NF1: variants seen among roughly 807,000 people sequenced by gnomAD.
NF1 encodes neurofibromin 1.
NF1 carries 122 observed loss-of-function variants against 325.7 expected under a neutral mutation model. That is an observed-to-expected ratio of 0.37 (90% CI 0.32 to 0.44). NF1 has a LOEUF of 0.44. NF1 is among the 20% of genes least tolerant of loss of function. The pLI is 1.00. For missense variants in NF1, 2,140 were observed against 3,415.4 expected (o/e 0.63, Z 9.31); for synonymous variants, 1,091 against 1,186.0 (o/e 0.92, Z 1.65).
In NF1 at chr17:31,229,587, G is replaced by T. The variant is rs1232672298; in HGVS notation, c.2850+122G>T. 3.2e-6 allele frequency: 4 copies of T among 1,236,584 alleles called. No individual in the cohort carries two copies. The African/African-American group carries it at 4.5e-5, about 14-fold the overall frequency. The allele number at this position is 1,236,584 out of a possible 1,614,324, so 76.6% of individuals were successfully genotyped here. A position where few individuals can be genotyped will look rare whatever the true frequency, so the allele number is the denominator to read the frequency against. ...AGTTTTTAAAAATTTCCAAAAAATT[G>T]CAGAAAGAAGAGTCATCTCAATGTA... On this transcript the variant is annotated intron_variant, in intron 21 of 57. Coordinates refer to ENST00000358273, the MANE Select transcript of NF1 (RefSeq NM_001042492.3).
chr17:31,347,364 TTTATGA>T (rs1330357372), intron 48 of NF1, among the ~76,000 whole-genome samples: 8 of 152,090 alleles, frequency 5.3e-5, no homozygotes, highest in African/African-American at 1.7e-4. Context: ...GTATAACAGC[TTTATGA>T]TTATGAGAAA....
chr17:31,150,326 A>G (rs1916844433), intron 1 of NF1, among the ~76,000 whole-genome samples: 1 of 152,170 alleles, frequency 6.6e-6, no homozygotes, highest in Admixed American at 6.5e-5. Flanking sequence ...AACCAGAACC[A>G]TATAGTGAGT....
At chr17:31,350,435 C>T (rs1597859988) in intron 50 of NF1, 117 bp downstream of exon 50, 1 of 844,508 alleles carries the variant, frequency 1.2e-6, no homozygotes, top group East Asian at 2.5e-5. Context: ...CTAGAGATGG[C>T]CTAGGAAGAG....
At chr17:31,180,330 T>A (rs1044304053) in intron 5 of NF1, among the ~76,000 whole-genome samples, 2 of 152,238 alleles carry the variant, frequency 1.3e-5, no homozygotes, top group African/African-American at 2.4e-5. Context: ...TGAACATCGA[T>A]GCAAAAATCC....
chr17:31,246,245 C>T (rs17879215), intron 29 of NF1, among the ~76,000 whole-genome samples: 2 of 152,164 alleles, frequency 1.3e-5, no homozygotes, highest in African/African-American at 2.4e-5. Flanking sequence ...ACCTGCCGCA[C>T]CTACTTTCTC....
rs1176698328 is a variant in NF1 at position 31,105,686 on chromosome 17, G to T, written c.60+10317G>T. 2.0e-5 allele frequency among the ~76,000 whole-genome samples: 3 copies of T among 152,088 alleles called. No individual in the cohort carries two copies. In the East Asian group the frequency reaches 5.8e-4, roughly 29 times the overall value. On this transcript the variant is annotated intron_variant, in intron 1 of 57. Coordinates refer to ENST00000358273, the MANE Select transcript of NF1 (RefSeq NM_001042492.3). ...TGCGCCACCATGCCCAGCTGATTTT[G>T]TTTTTTTAGTAGAGACAGGGTTTCA...
At chr17:31,286,252 AC>A (rs1332784627) in intron 36 of NF1, among the ~76,000 whole-genome samples, 1 of 151,904 alleles carries the variant, frequency 6.6e-6, no homozygotes, top group Admixed American at 6.6e-5. Context: ...GCACCAACAC[AC>A]CCGGCTAATT....
At chr17:31,292,807 T>C (rs1178385458) in intron 36 of NF1, among the ~76,000 whole-genome samples, 3 of 152,168 alleles carry the variant, frequency 2.0e-5, no homozygotes, top group Non-Finnish European at 4.4e-5. Flanking sequence ...GACTTTCTTA[T>C]TACTTTTCCC....
intron 2 of NF1, among the ~76,000 whole-genome samples, chr17:31,157,189 A>G (rs942978480): frequency 2.6e-5 from 4 of 151,900 alleles, no homozygotes; most frequent in Non-Finnish European, 4.4e-5. Flanking sequence ...AGGTTTCACT[A>G]TTTTGGCCAG....
intron 36 of NF1, among the ~76,000 whole-genome samples, chr17:31,280,884 G>A (rs1003374121): frequency 2.7e-5 from 4 of 148,324 alleles, no homozygotes; most frequent in African/African-American, 5.0e-5. Context: ...TATTTATTCA[G>A]TATTTTTATA....
intron 8 of NF1, among the ~76,000 whole-genome samples, chr17:31,197,009 C>T (rs2066444565): frequency 6.6e-6 from 1 of 151,244 alleles, no homozygotes; most frequent in African/African-American, 2.4e-5. Context: ...GACTATTATG[C>T]GGCTCTTTGA....
At chr17:31,109,507 T>C (rs1246473440) in intron 1 of NF1, among the ~76,000 whole-genome samples, 1 of 151,940 alleles carries the variant, frequency 6.6e-6, no homozygotes, top group African/African-American at 2.4e-5. Context: ...TCTCAGTCTT[T>C]CGAGTAGCTG....
At chr17:31,330,154 C>A in intron 38 of NF1, 142 bp from the exon 39 acceptor site, 2 of 740,304 alleles carry the variant, frequency 2.7e-6, no homozygotes, top group Middle Eastern at 3.0e-4. Flanking sequence ...AGAATTATAA[C>A]ATCTTATTTC....
At chr17:31,171,755 A>G (rs1240490685) in intron 5 of NF1, among the ~76,000 whole-genome samples, 1 of 152,202 alleles carries the variant, frequency 6.6e-6, no homozygotes, top group East Asian at 1.9e-4. Flanking sequence ...CCTTTCAGTA[A>G]TGAGTAGTAA....
At chr17:31,270,540 G>A (rs1027586552) in intron 36 of NF1, among the ~76,000 whole-genome samples, 3 of 151,032 alleles carry the variant, frequency 2.0e-5, no homozygotes, top group Non-Finnish European at 3.0e-5. Context: ...ATCCTGGGAG[G>A]TCAAGACTGC....
At chr17:31,240,006 C>T (rs576609864) in intron 29 of NF1, among the ~76,000 whole-genome samples, 40 of 152,306 alleles carry the variant, frequency 2.6e-4, no homozygotes, top group Admixed American at 7.8e-4. Flanking sequence ...TCAGGCGAGC[C>T]GCCTGTCTTG....
intron 39 of NF1, chr17:31,334,606 A>G (rs753533296): frequency 2.0e-6 from 1 of 504,064 alleles, no homozygotes; most frequent in Non-Finnish European, 3.5e-6. Context: ...AATGGAGGAA[A>G]ATAAGACAAA....
At position 31,304,612 on chromosome 17, in the gene NF1, G is replaced by GA. The variant is rs776102986; in HGVS notation, c.4836-21206dup. ...TGGTGGAGGCAGATCTGCATCATCT[G>GA]AAGAAGAAACAGCAGTTCCAACTGT... On this transcript the variant is annotated intron_variant, in intron 36 of 57. Transcript: ENST00000358273. 6 of 1,614,028 alleles carry GA rather than the reference G, an allele frequency of 3.7e-6. No homozygotes were observed. In the Admixed American group the frequency reaches 5.0e-5, roughly 13 times the overall value.
intron 11 of NF1, among the ~76,000 whole-genome samples, chr17:31,205,725 A>G (rs1434345937): frequency 2.0e-5 from 3 of 152,130 alleles, no homozygotes; most frequent in Non-Finnish European, 2.9e-5. Flanking sequence ...TTCATTTACT[A>G]ATTTCATGTT....
Sources: gnomAD v4.1 joint callset for allele counts (sites outside exome capture counted in the v4.1 genomes callset) on GRCh38, gnomAD v4.1.1 for gene constraint, MANE v1.5 for transcripts, NCBI Gene and HGNC (gene_info 2026-07-23, HGNC 2026-07-21) for gene names.